Variants in SLC12A8 observed in about 807,000 individuals in gnomAD.
The protein encoded by SLC12A8 is solute carrier family 12 member 8.
A neutral mutation model predicts 75.6 loss-of-function variants in SLC12A8; 69 were observed. The observed-to-expected ratio is 0.91, with a 90% confidence interval of 0.75 to 1.11. The LOEUF is 1.11. Ranked by LOEUF, SLC12A8 falls within the 50% of genes most tolerant of loss-of-function variation. SLC12A8 has a pLI of 0.00. For synonymous variants in SLC12A8, 365 were observed against 372.8 expected (o/e 0.98, Z 0.24); for missense variants, 877 against 896.7 (o/e 0.98, Z 0.28).
At chr3:125,101,577 T>C (rs1938875178) in intron 10 of SLC12A8, among the ~76,000 whole-genome samples, 2 of 152,264 alleles carry the variant, frequency 1.3e-5, no homozygotes, top group South Asian at 2.1e-4. Context: ...GTTGTACAAA[T>C]GTTTTTTATT....
At chr3:125,122,485 G>A (rs919534138) in intron 6 of SLC12A8, among the ~76,000 whole-genome samples, 4 of 152,184 alleles carry the variant, frequency 2.6e-5, no homozygotes, top group African/African-American at 7.2e-5. Context: ...AAGTTGGGAG[G>A]AGGACCCTAA....
intron 6 of SLC12A8, among the ~76,000 whole-genome samples, chr3:125,124,708 A>G (rs1305594132): frequency 2.6e-5 from 4 of 152,190 alleles, no homozygotes; most frequent in African/African-American, 7.2e-5. Flanking sequence ...TTCTTGGGCA[A>G]TGTTCCCTAG....
intron 5 of SLC12A8, among the ~76,000 whole-genome samples, chr3:125,149,580 C>T (rs2107770343): frequency 6.6e-6 from 1 of 152,246 alleles, no homozygotes; most frequent in East Asian, 1.9e-4. Flanking sequence ...ATGTGCAACT[C>T]ACATAATTTT....
intron 6 of SLC12A8, among the ~76,000 whole-genome samples, chr3:125,132,014 C>T (rs557962601): frequency 2.6e-5 from 4 of 152,140 alleles, no homozygotes; most frequent in Admixed American, 6.5e-5. Flanking sequence ...AGTCCTTGAA[C>T]GTGGCTCAGA....
chr3:125,120,734 A>T, intron 6 of SLC12A8, 48 bp from the exon 7 acceptor site: 1 of 1,430,796 alleles, frequency 7.0e-7, no homozygotes, highest in Non-Finnish European at 9.8e-7. Flanking sequence ...TCCTCCACGC[A>T]TCGCCTTCCC....
chr3:125,200,406 G>T (rs1196867795), intron 2 of SLC12A8, among the ~76,000 whole-genome samples: 1 of 152,138 alleles, frequency 6.6e-6, no homozygotes, highest in Admixed American at 6.5e-5. Flanking sequence ...CCATGATCGT[G>T]CCACTGTACT....
chr3:125,150,110 G>A (rs768252947), intron 5 of SLC12A8, among the ~76,000 whole-genome samples: 1 of 152,184 alleles, frequency 6.6e-6, no homozygotes, highest in Non-Finnish European at 1.5e-5. Flanking sequence ...AGGACTCTAT[G>A]TTAAAAATAC....
chr3:125,125,978 A>G, intron 6 of SLC12A8: 1 of 978,500 alleles, frequency 1.0e-6, no homozygotes, highest in African/African-American at 1.7e-5. Context: ...TGCTGGATTG[A>G]TGGCATTTCT....
At chr3:125,184,837 C>A (rs1438053316) in intron 4 of SLC12A8, among the ~76,000 whole-genome samples, 6 of 151,774 alleles carry the variant, frequency 4.0e-5, no homozygotes, top group Non-Finnish European at 8.8e-5. Flanking sequence ...GAGAAAATCA[C>A]CAAAACCAAT....
Position 125,091,487 on chromosome 3 carries a change from C to T in SLC12A8, c.1873G>A (p.Ala625Thr). 6.2e-7 allele frequency: 1 copy of T among 1,613,942 alleles called. No individual in the cohort carries two copies. Among genetic ancestry groups the T allele is most frequent in the South Asian group, 1.1e-5 (1 of 91,068 alleles). The change falls in exon 12 of 14, where the codon GCC becomes ACC. Residue 625 changes from alanine (A) to threonine (T), a missense_variant. Physicochemically the swap from Ala to Thr is moderately conservative, Grantham distance 58 (BLOSUM62 0). Coordinates refer to ENST00000469902, the MANE Select transcript of SLC12A8 (RefSeq NM_024628.6). ...VYTLVNMGVAAIVYFYIGRAS... is the reference protein window; with the variant it reads ...VYTLVNMGVATIVYFYIGRAS... Reference sequence around the variant, plus strand: ...CGGCCAATGTAGAAATACACGATGGCAGCAACACCCATGTTAACCAGGGTA... The same window carrying T: ...CGGCCAATGTAGAAATACACGATGGTAGCAACACCCATGTTAACCAGGGTA...
intron 5 of SLC12A8, among the ~76,000 whole-genome samples, chr3:125,170,707 G>A (rs902813532): frequency 9.2e-5 from 14 of 152,308 alleles, no homozygotes; most frequent in African/African-American, 3.4e-4. Context: ...GAGGTCAGGA[G>A]ATGGAGACCA....
chr3:125,178,442 A>C (rs150628471), intron 4 of SLC12A8, among the ~76,000 whole-genome samples: 160 of 149,452 alleles, frequency 1.1e-3, no homozygotes, highest in Non-Finnish European at 2.0e-3. Flanking sequence ...AAAACTTAGC[A>C]AAAAAAAAAG....
In SLC12A8 at chr3:125,154,433, A is replaced by T. The variant is rs556442488; in HGVS notation, c.623-18651T>A. Among the ~76,000 whole-genome samples, 9 of 152,294 alleles carry T rather than the reference A, an allele frequency of 5.9e-5. No homozygotes were observed. The East Asian group carries it at 1.5e-3, about 26-fold the overall frequency. ...GCTGGGCAATCTAACCTCTCTGAAC[A>T]TCAGTTATCTCATCTTTATCATGGG... On this transcript the variant is annotated intron_variant, in intron 5 of 13. Transcript: ENST00000469902.
At chr3:125,157,808 A>G (rs1441725734) in intron 5 of SLC12A8, among the ~76,000 whole-genome samples, 3 of 152,192 alleles carry the variant, frequency 2.0e-5, no homozygotes, top group African/African-American at 7.2e-5. Flanking sequence ...TCCACCTGCA[A>G]CTTGCATATT....
intron 10 of SLC12A8, among the ~76,000 whole-genome samples, chr3:125,105,163 AAAG>A (rs961661682): frequency 2.6e-5 from 4 of 151,942 alleles, no homozygotes. Flanking sequence ...AGGAAAGAGA[AAAG>A]AAAGAAGATT....
At chr3:125,137,180 G>A (rs545877117) in intron 5 of SLC12A8, among the ~76,000 whole-genome samples, 3 of 152,264 alleles carry the variant, frequency 2.0e-5, no homozygotes, top group East Asian at 1.9e-4. Context: ...CAATGAGGTC[G>A]CCCGCACTTC....
intron 13 of SLC12A8, among the ~76,000 whole-genome samples, chr3:125,086,415 C>T (rs1938462397): frequency 1.3e-5 from 2 of 152,178 alleles, no homozygotes; most frequent in African/African-American, 4.8e-5. Flanking sequence ...CATAGCACTG[C>T]TGTGACCTCC....
At chr3:125,086,772 T>A (rs1199510950) in intron 13 of SLC12A8, among the ~76,000 whole-genome samples, 3 of 152,186 alleles carry the variant, frequency 2.0e-5, no homozygotes, top group Admixed American at 6.5e-5. Context: ...TGAGACCAGC[T>A]GGCCCAAGTA....
chr3:125,132,437 C>A (rs1933382915), intron 6 of SLC12A8, among the ~76,000 whole-genome samples: 2 of 152,162 alleles, frequency 1.3e-5, no homozygotes, highest in South Asian at 2.1e-4. Context: ...CCAGAGTGGT[C>A]AGGTGGTAGA....
Sources: gnomAD v4.1 joint callset for allele counts (sites outside exome capture counted in the v4.1 genomes callset) on GRCh38, gnomAD v4.1.1 for gene constraint, MANE v1.5 for transcripts, NCBI Gene and HGNC (gene_info 2026-07-23, HGNC 2026-07-21) for gene names.